Variants in CHCHD6 observed in about 807,000 individuals in gnomAD.
CHCHD6 encodes the protein MICOS complex subunit MIC25.
Under a neutral mutation model 32.3 loss-of-function variants are expected in CHCHD6, and 28 were observed. That is an observed-to-expected ratio of 0.87 (90% CI 0.64 to 1.19). The LOEUF is 1.19. Among genes scored for constraint, CHCHD6 ranks in the 50% most tolerant of loss-of-function variants. The pLI is 0.00. For synonymous variants in CHCHD6, 122 were observed against 117.5 expected (o/e 1.04, Z -0.25); for missense variants, 333 against 307.0 (o/e 1.08, Z -0.63).
At chr3:126,770,480 T>C (rs997607385) in intron 4 of CHCHD6, among the ~76,000 whole-genome samples, 2 of 152,232 alleles carry the variant, frequency 1.3e-5, no homozygotes, top group Non-Finnish European at 2.9e-5. Flanking sequence ...CATAGATAGC[T>C]CTTATTTTCA....
At chr3:126,940,324 A>C (rs2078540931) in intron 6 of CHCHD6, among the ~76,000 whole-genome samples, 1 of 152,168 alleles carries the variant, frequency 6.6e-6, no homozygotes, top group Admixed American at 6.5e-5. Context: ...AGTGTGTGCT[A>C]TTTTCCCTCA....
chr3:126,751,189 G>T (rs1019471985), intron 4 of CHCHD6, among the ~76,000 whole-genome samples: 1 of 151,760 alleles, frequency 6.6e-6, no homozygotes, highest in Non-Finnish European at 1.5e-5. Context: ...TTCTTTGAAG[G>T]CAGTTCTTTT....
chr3:126,868,590 T>C (rs971679692), intron 5 of CHCHD6, among the ~76,000 whole-genome samples: 8 of 152,230 alleles, frequency 5.3e-5, no homozygotes, highest in Non-Finnish European at 4.4e-5. Flanking sequence ...AATCTCTTGC[T>C]GTATGCATGC....
chr3:126,933,331 T>C (rs1039444794), intron 6 of CHCHD6, among the ~76,000 whole-genome samples: 1 of 152,208 alleles, frequency 6.6e-6, no homozygotes, highest in Non-Finnish European at 1.5e-5. Context: ...GATGAATGAA[T>C]GGCTCAGGAA....
At chr3:126,881,548 C>G (rs2077610320) in intron 5 of CHCHD6, among the ~76,000 whole-genome samples, 1 of 152,162 alleles carries the variant, frequency 6.6e-6, no homozygotes, top group Non-Finnish European at 1.5e-5. Flanking sequence ...AGAGCTGACC[C>G]TCATTGCCCA....
chr3:126,854,633 A>T (rs1330795772), intron 5 of CHCHD6, among the ~76,000 whole-genome samples: 1 of 152,146 alleles, frequency 6.6e-6, no homozygotes, highest in African/African-American at 2.4e-5. Context: ...GCAGACCTTG[A>T]CATTTCCAGC....
At chr3:126,720,763 C>T (rs976176526) in intron 1 of CHCHD6, among the ~76,000 whole-genome samples, 4 of 152,160 alleles carry the variant, frequency 2.6e-5, no homozygotes, top group African/African-American at 9.7e-5. Flanking sequence ...TTCCACGTTG[C>T]TCCTGCTGTC....
intron 4 of CHCHD6, among the ~76,000 whole-genome samples, chr3:126,819,633 A>C (rs1940066394): frequency 6.6e-6 from 1 of 152,206 alleles, no homozygotes; most frequent in Non-Finnish European, 1.5e-5. Flanking sequence ...CTTAGCCCTC[A>C]GCATCTGTGA....
At chr3:126,835,656 G>A (rs771255674) in intron 4 of CHCHD6, among the ~76,000 whole-genome samples, 25 of 152,182 alleles carry the variant, frequency 1.6e-4, no homozygotes, top group Non-Finnish European at 3.1e-4. Context: ...TTACTGTTTG[G>A]AGCTGCAGTG....
intron 1 of CHCHD6, among the ~76,000 whole-genome samples, chr3:126,714,922 A>G (rs999739506): frequency 6.6e-6 from 1 of 152,176 alleles, no homozygotes; most frequent in Non-Finnish European, 1.5e-5. Context: ...TGAACTTTCA[A>G]TGCAAAGACT....
intron 5 of CHCHD6, among the ~76,000 whole-genome samples, chr3:126,885,937 G>A (rs2077673047): frequency 6.6e-6 from 1 of 152,178 alleles, no homozygotes; most frequent in African/African-American, 2.4e-5. Flanking sequence ...GGCTGGTGCT[G>A]GGGGAACCAA....
rs189750626 is a variant in CHCHD6, at chr3:126,851,282, T to C, written c.412-1365T>C. On this transcript the variant is annotated intron_variant, in intron 4 of 7. Transcript: ENST00000290913. ...AGGTTCCCTGTCAGTAGGAGTAGCA[T>C]TGCCAGGGAGATGGGCTTTCAAAAA... 1.0e-3 allele frequency among the ~76,000 whole-genome samples: 154 copies of C among 152,316 alleles called. 1 individual carries two copies. Among genetic ancestry groups the C allele is most frequent in the Non-Finnish European group, 1.5e-3 (105 of 68,016 alleles).
intron 5 of CHCHD6, among the ~76,000 whole-genome samples, chr3:126,866,487 A>G (rs1405712165): frequency 8.5e-5 from 13 of 152,228 alleles, no homozygotes; most frequent in Admixed American, 8.5e-4. Flanking sequence ...TTTACAGATA[A>G]AGAAACAGGC....
intron 6 of CHCHD6, among the ~76,000 whole-genome samples, chr3:126,954,919 G>C (rs1156858492): frequency 6.6e-6 from 1 of 152,226 alleles, no homozygotes; most frequent in South Asian, 2.1e-4. Context: ...AACCCTGCCT[G>C]GGGAGGGGAG....
chr3:126,913,207 CTTTTTTTTTTTTTT>C (rs546179022), intron 5 of CHCHD6, among the ~76,000 whole-genome samples: 9 of 33,784 alleles, frequency 2.7e-4, no homozygotes, highest in South Asian at 1.2e-3. Flanking sequence ...CCGTATGAGC[CTTTTTTTTTTTTTT>C]TTTTTTTTTT....
intron 4 of CHCHD6, among the ~76,000 whole-genome samples, chr3:126,807,558 C>T (rs1939456170): frequency 6.6e-6 from 1 of 152,214 alleles, no homozygotes; most frequent in African/African-American, 2.4e-5. Flanking sequence ...AGCATCCAAA[C>T]AGTAGCAGTA....
At chr3:126,794,504 T>C (rs1178091987) in intron 4 of CHCHD6, among the ~76,000 whole-genome samples, 1 of 151,192 alleles carries the variant, frequency 6.6e-6, no homozygotes, top group Non-Finnish European at 1.5e-5. Context: ...TTTTTATATC[T>C]CTAGTTCTTA....
intron 1 of CHCHD6, among the ~76,000 whole-genome samples, chr3:126,720,409 A>C (rs1935227883): frequency 6.6e-6 from 1 of 152,126 alleles, no homozygotes; most frequent in South Asian, 2.1e-4. Context: ...GGCCTGGTGC[A>C]TTCCCACAGG....
chr3:126,894,213 G>T (rs2077804841), intron 5 of CHCHD6, among the ~76,000 whole-genome samples: 1 of 152,212 alleles, frequency 6.6e-6, no homozygotes, highest in Non-Finnish European at 1.5e-5. Flanking sequence ...GACACAACCT[G>T]GCACTGCGCA....
Sources: gnomAD v4.1 joint callset for allele counts (sites outside exome capture counted in the v4.1 genomes callset) on GRCh38, gnomAD v4.1.1 for gene constraint, MANE v1.5 for transcripts, NCBI Gene and HGNC (gene_info 2026-07-23, HGNC 2026-07-21) for gene names.